FBXL17: variants seen among roughly 807,000 people sequenced by gnomAD.
FBXL17 encodes the protein F-box and leucine rich repeat protein 17, also known as F-box/LRR-repeat protein 17.
In FBXL17, 22 loss-of-function variants were observed where a neutral mutation model predicts 66.2. The ratio of observed to expected loss-of-function variants is 0.33; its 90% CI spans 0.24 to 0.47. The LOEUF is 0.47. Ranked by LOEUF, FBXL17 falls within the 20% of genes least tolerant of loss-of-function variation. FBXL17 has a pLI of 1.00. For synonymous variants in FBXL17, 474 were observed against 400.5 expected (o/e 1.18, Z -2.19); for missense variants, 878 against 948.2 (o/e 0.93, Z 0.97).
At chr5:108,224,408 A>C (rs1373730437) in intron 4 of FBXL17, among the ~76,000 whole-genome samples, 180 bp from the exon 5 acceptor site, 1 of 151,666 alleles carries the variant, frequency 6.6e-6, no homozygotes, top group African/African-American at 2.4e-5. Flanking sequence ...TCATCTCTTG[A>C]CCCTACATCC....
chr5:108,329,873 A>C (rs1317854015), intron 4 of FBXL17, among the ~76,000 whole-genome samples: 2 of 152,124 alleles, frequency 1.3e-5, no homozygotes, highest in African/African-American at 2.4e-5. Context: ...CTTTGATACC[A>C]GGTGTTACTG....
intron 5 of FBXL17, among the ~76,000 whole-genome samples, chr5:108,205,740 T>A (rs1276937487): frequency 1.3e-5 from 2 of 152,068 alleles, no homozygotes; most frequent in Admixed American, 6.6e-5. Context: ...TTTGTTTTGT[T>A]TTTTAGACAG....
chr5:107,902,288 T>C, intron 7 of FBXL17, among the ~76,000 whole-genome samples: 1 of 152,134 alleles, frequency 6.6e-6, no homozygotes, highest in East Asian at 1.9e-4. Flanking sequence ...GTATATAAAG[T>C]TGGAATTAAT....
At chr5:107,965,681 C>T (rs1322494998) in intron 7 of FBXL17, among the ~76,000 whole-genome samples, 1 of 152,146 alleles carries the variant, frequency 6.6e-6, no homozygotes, top group Non-Finnish European at 1.5e-5. Context: ...CATTATTTAG[C>T]AAATGCTTCC....
chr5:107,964,445 T>C (rs1050264073), intron 7 of FBXL17, among the ~76,000 whole-genome samples: 2 of 151,886 alleles, frequency 1.3e-5, no homozygotes, highest in African/African-American at 4.8e-5. Flanking sequence ...GAATGAAGAG[T>C]AATAAAATGT....
At chr5:108,245,651 G>T (rs895490712) in intron 4 of FBXL17, among the ~76,000 whole-genome samples, 1 of 152,120 alleles carries the variant, frequency 6.6e-6, no homozygotes, top group Non-Finnish European at 1.5e-5. Context: ...CAGTCCCCTT[G>T]GCATAAACAC....
intron 6 of FBXL17, among the ~76,000 whole-genome samples, chr5:108,170,533 TA>T (rs1752568689): frequency 6.6e-6 from 1 of 152,150 alleles, no homozygotes; most frequent in South Asian, 2.1e-4. Flanking sequence ...ATTATAAGAC[TA>T]TTTTTTTCCT....
chr5:107,970,850 C>T (rs987357140), intron 7 of FBXL17, among the ~76,000 whole-genome samples: 6 of 152,072 alleles, frequency 3.9e-5, no homozygotes, highest in Admixed American at 2.0e-4. Context: ...AGGTGCTCCC[C>T]GTGTTAGAAA....
chr5:108,264,095 G>C (rs1055146236), intron 4 of FBXL17, among the ~76,000 whole-genome samples: 1 of 151,386 alleles, frequency 6.6e-6, no homozygotes, highest in Non-Finnish European at 1.5e-5. Context: ...CACAACTGTA[G>C]TCCTAGCTAC....
At chr5:108,310,269 G>GA (rs1177265908) in intron 4 of FBXL17, among the ~76,000 whole-genome samples, 1 of 152,114 alleles carries the variant, frequency 6.6e-6, no homozygotes, top group Non-Finnish European at 1.5e-5. Context: ...AATGCTAAGA[G>GA]AAAAGCACTA....
At chr5:108,256,677 C>T (rs2150120442) in intron 4 of FBXL17, among the ~76,000 whole-genome samples, 1 of 151,924 alleles carries the variant, frequency 6.6e-6, no homozygotes, top group South Asian at 2.1e-4. Context: ...ACAATCTTTC[C>T]TATGTAGTTG....
At chr5:107,917,397 T>C (rs997509224) in intron 7 of FBXL17, among the ~76,000 whole-genome samples, 1 of 151,986 alleles carries the variant, frequency 6.6e-6, no homozygotes, top group Non-Finnish European at 1.5e-5. Context: ...AGGTGAAAGA[T>C]GAAAGAAAAA....
intron 5 of FBXL17, among the ~76,000 whole-genome samples, chr5:108,223,377 C>T (rs556233672): frequency 6.6e-6 from 1 of 152,224 alleles, no homozygotes; most frequent in South Asian, 2.1e-4. Context: ...GAAAAGGTTG[C>T]TCAGCTATAA....
chr5:108,343,570 T>C (rs908024368), intron 4 of FBXL17, among the ~76,000 whole-genome samples: 1 of 152,204 alleles, frequency 6.6e-6, no homozygotes, highest in Non-Finnish European at 1.5e-5. Flanking sequence ...TTAACTCATA[T>C]ATAAACCCAT....
chr5:108,154,527 T>A (rs1351420507), intron 6 of FBXL17, among the ~76,000 whole-genome samples: 2 of 143,424 alleles, frequency 1.4e-5, no homozygotes, highest in Non-Finnish European at 3.0e-5. Flanking sequence ...GAGGCGGAGG[T>A]TGCGGTGAGC....
At chr5:107,886,897 G>A (rs967522253) in intron 7 of FBXL17, among the ~76,000 whole-genome samples, 7 of 146,038 alleles carry the variant, frequency 4.8e-5, no homozygotes, top group Non-Finnish European at 8.9e-5. Context: ...TCATCAAAAG[G>A]GTCAAGGTAA....
intron 4 of FBXL17, among the ~76,000 whole-genome samples, chr5:108,311,842 A>G (rs1444047481): frequency 6.6e-6 from 1 of 152,238 alleles, no homozygotes; most frequent in Middle Eastern, 3.2e-3. Flanking sequence ...ATGAAAGAGA[A>G]GAAGAGAGAT....
chr5:108,108,707 A>G (rs1469597653), intron 6 of FBXL17, among the ~76,000 whole-genome samples: 2 of 151,976 alleles, frequency 1.3e-5, no homozygotes, highest in Non-Finnish European at 2.9e-5. Flanking sequence ...CTGTGTCCTT[A>G]CTTAAAACAA....
intron 4 of FBXL17, among the ~76,000 whole-genome samples, chr5:108,316,884 G>C (rs1759390015): frequency 6.6e-6 from 1 of 150,896 alleles, no homozygotes; most frequent in Non-Finnish European, 1.5e-5. Flanking sequence ...TATACATCCA[G>C]TTAATTACAT....
Sources: allele counts gnomAD v4.1 joint callset (sites outside exome capture counted in the v4.1 genomes callset), GRCh38; gene constraint gnomAD v4.1.1; transcripts MANE v1.5; gene names NCBI Gene and HGNC (gene_info 2026-07-23, HGNC 2026-07-21).